Variants in SDK2 observed in about 807,000 individuals in gnomAD.
SDK2 encodes protein sidekick-2.
Under a neutral mutation model 253.9 loss-of-function variants are expected in SDK2, and 105 were observed. The ratio of observed to expected loss-of-function variants is 0.41; its 90% CI spans 0.35 to 0.49. SDK2 has a LOEUF of 0.49. Among genes scored for constraint, SDK2 ranks in the 20% least tolerant of loss-of-function variants. SDK2 has a pLI of 0.06. For synonymous variants in SDK2, 1,249 were observed against 1,234.9 expected, an observed-to-expected ratio of 1.01 and a Z score of -0.24; for missense variants, 2,608 against 3,003.0, an observed-to-expected ratio of 0.87 and a Z score of 3.07.
intron 15 of SDK2, among the ~76,000 whole-genome samples, chr17:73,420,961 G>A (rs1359388403): frequency 2.0e-5 from 3 of 152,208 alleles, no homozygotes; most frequent in African/African-American, 7.2e-5. Flanking sequence ...CAAGCGTGAG[G>A]ATTTGGCCTT....
chr17:73,504,704 G>A (rs2063921332), intron 2 of SDK2, among the ~76,000 whole-genome samples: 1 of 115,402 alleles, frequency 8.7e-6, no homozygotes, highest in African/African-American at 3.0e-5. Flanking sequence ...AGGAATTTGA[G>A]CTGGGCCCTG....
rs2046246092 is a variant in SDK2, at chr17:73,629,779, A to C, written c.64+14246T>G. Reference sequence around the variant, plus strand: ...ATCCTGGGCACCTCACTTAGTATACAGATGGTGCTTAGTAAGTGCATGAGA... The same window carrying C: ...ATCCTGGGCACCTCACTTAGTATACCGATGGTGCTTAGTAAGTGCATGAGA... On this transcript the variant is annotated intron_variant, in intron 1 of 44. Coordinates refer to ENST00000392650, the MANE Select transcript of SDK2 (RefSeq NM_001144952.2). This position sits in a 1 kb window ranked among gnomAD's most constrained non-coding sequence, Gnocchi z 5.0. Among the ~76,000 whole-genome samples, 2 of 152,158 alleles carry C rather than the reference A, an allele frequency of 1.3e-5. No individual in the cohort carries two copies. Among genetic ancestry groups the C allele is most frequent in the Admixed American group, 1.3e-4 (2 of 15,274 alleles).
At chr17:73,571,681 G>A (rs1167625865) in intron 1 of SDK2, among the ~76,000 whole-genome samples, 4 of 152,218 alleles carry the variant, frequency 2.6e-5, no homozygotes, top group East Asian at 1.9e-4. Context: ...TGTGCCCAGC[G>A]GGGGCTACGC....
chr17:73,368,538 A>C lies in SDK2; in HGVS notation c.5036T>G (p.Phe1679Cys). The C allele has an allele frequency of 6.2e-7, 1 of 1,608,940 alleles. No homozygotes were observed. The highest frequency in any genetic ancestry group is 8.5e-7 in the Non-Finnish European group (1 of 1,177,904). ...GNLTERVKTLFLAENSVKLKN... is the reference protein window; with the variant it reads ...GNLTERVKTLCLAENSVKLKN... Reference sequence around the variant, plus strand: ...GAGCTTCACGCTGTTCTCAGCCAGGAAAAGCGTCTTCACTCGCTCTGTGAG... The same window carrying C: ...GAGCTTCACGCTGTTCTCAGCCAGGCAAAGCGTCTTCACTCGCTCTGTGAG... The change falls in exon 37 of 45, where the codon TTC becomes TGC. Residue 1679 changes from phenylalanine (F) to cysteine (C), a missense_variant. Phe to Cys is a radical substitution (Grantham distance 205, BLOSUM62 -2). Around this residue, in one of 2 missense-constraint regions of SDK2, gnomAD observed 1,103 missense variants for 1,143.9 expected, o/e 0.96. Transcript: ENST00000392650.
At chr17:73,535,602 C>A (rs1330788656) in intron 1 of SDK2, among the ~76,000 whole-genome samples, 1 of 152,224 alleles carries the variant, frequency 6.6e-6, no homozygotes, top group African/African-American at 2.4e-5. Flanking sequence ...TGATTGCCCA[C>A]CATTGCCAAT....
rs1170666393 is a variant in SDK2 at position 73,472,094 on chromosome 17, G to T, written c.331+18C>A. On this transcript the variant is annotated intron_variant, in intron 3 of 44. Transcript: ENST00000392650. The stretch of plus-strand genomic sequence containing the variant: ...ACCACAGTCGCCCCCCCTGCCCCTG[G>T]GTCCCCATTGTACTCACAGGCCACC... 2 of 1,536,980 alleles carry T rather than the reference G, an allele frequency of 1.3e-6. No individual in the cohort carries two copies. The highest frequency in any genetic ancestry group is 2.4e-5 in the East Asian group (1 of 40,828).
At chr17:73,614,429 G>A (rs1022345334) in intron 1 of SDK2, among the ~76,000 whole-genome samples, 5 of 151,550 alleles carry the variant, frequency 3.3e-5, no homozygotes, top group Non-Finnish European at 2.9e-5. Flanking sequence ...GCTTATACTC[G>A]TTTCCCCCTA....
At chr17:73,532,492 G>C (rs1338302625) in intron 1 of SDK2, among the ~76,000 whole-genome samples, 1 of 152,322 alleles carries the variant, frequency 6.6e-6, no homozygotes, top group East Asian at 1.9e-4. Flanking sequence ...GGTGGCAGGG[G>C]AGGAGGCTAA....
At chr17:73,387,378 G>A (rs985655529) in intron 30 of SDK2, among the ~76,000 whole-genome samples, 1 of 152,126 alleles carries the variant, frequency 6.6e-6, no homozygotes, top group South Asian at 2.1e-4. Context: ...AGATTTATGG[G>A]GGGTGGGAGA....
At chr17:73,450,662 G>A (rs565392698) in intron 4 of SDK2, among the ~76,000 whole-genome samples, 1 of 152,290 alleles carries the variant, frequency 6.6e-6, no homozygotes, top group African/African-American at 2.4e-5. Flanking sequence ...TCCTTTCACT[G>A]TATTTTGTCT....
rs182750213 is a variant in SDK2, at chr17:73,447,390, C to T, written c.613+225G>A. 2.0e-5 allele frequency among the ~76,000 whole-genome samples: 3 copies of T among 152,140 alleles called. No individual in the cohort carries two copies. Among genetic ancestry groups the T allele is most frequent in the African/African-American group, 7.2e-5 (3 of 41,424 alleles). On this transcript the variant is annotated intron_variant, in intron 5 of 44. Coordinates refer to ENST00000392650, the MANE Select transcript of SDK2 (RefSeq NM_001144952.2). The surrounding 1 kb of genome is among the most constrained non-coding windows in gnomAD (Gnocchi z 4.0). ...CATCCTCTCTACCGATGCAGGATCT[C>T]AGGCGTGTCATGGGAACGGGCTCCA...
rs2063358043 is a variant in SDK2 at position 73,435,302 on chromosome 17, C to T, written c.1195+148G>A. ...GCAGCAGCGGTAACTGGCTGTGCCC[C>T]CAGGCTGCTGGGCAGCAGGCGGCCT... On this transcript the variant is annotated intron_variant, in intron 9 of 44. Transcript: ENST00000392650. This position sits in a 1 kb window ranked among gnomAD's most constrained non-coding sequence, Gnocchi z 5.7. 1.4e-6 allele frequency: 1 copy of T among 737,170 alleles called. No individual in the cohort carries two copies. Among genetic ancestry groups the T allele is most frequent in the Non-Finnish European group, 2.1e-6 (1 of 468,502 alleles). The allele number at this position is 737,170 out of a possible 1,614,324, so 45.7% of individuals were successfully genotyped here.
chr17:73,444,293 T>C (rs2063436496), intron 5 of SDK2, among the ~76,000 whole-genome samples: 1 of 151,530 alleles, frequency 6.6e-6, no homozygotes, highest in South Asian at 2.1e-4. Flanking sequence ...ACAGCGGGAG[T>C]TGAGTGGGTC....
rs2045951832 is a variant in SDK2, at chr17:73,609,841, G to A, written c.64+34184C>T. On this transcript the variant is annotated intron_variant, in intron 1 of 44. Coordinates refer to ENST00000392650, the MANE Select transcript of SDK2 (RefSeq NM_001144952.2). This position sits in a 1 kb window ranked among gnomAD's most constrained non-coding sequence, Gnocchi z 4.4. ...AACCTCGAGAGCCCCCAGGGCCCAA[G>A]GAGACAGAGTCCCTGCTGGCCATGT... 6.6e-6 allele frequency among the ~76,000 whole-genome samples: 1 copy of A among 152,212 alleles called. No individual in the cohort carries two copies.
chr17:73,362,789 C>T (rs35103939), intron 38 of SDK2, among the ~76,000 whole-genome samples: 28,085 of 152,186 alleles, frequency 0.18, 3,210 homozygotes, highest in East Asian at 0.42. Flanking sequence ...TGGGGGTTTG[C>T]ACTCTGTGCT....
chr17:73,564,314 A>G (rs2045280875), intron 1 of SDK2, among the ~76,000 whole-genome samples: 1 of 152,200 alleles, frequency 6.6e-6, no homozygotes, highest in Admixed American at 6.5e-5. Context: ...TACTTCTATC[A>G]CTACAGAAAG....
intron 18 of SDK2, among the ~76,000 whole-genome samples, chr17:73,408,417 G>A (rs531578630): frequency 2.8e-4 from 42 of 151,566 alleles, no homozygotes; most frequent in African/African-American, 9.9e-4. Flanking sequence ...GTAGAGACGG[G>A]GTTTCACCGT....
At position 73,642,380 on chromosome 17, in the gene SDK2, G is replaced by C. The variant is rs749018962; in HGVS notation, c.64+1645C>G. ...GGGTCCAGACAGATGCTGGCATCCC[G>C]TCCCTCCACGCCGTCCAGGCTTTTG... On this transcript the variant is annotated intron_variant, in intron 1 of 44. Transcript: ENST00000392650. This position sits in a 1 kb window ranked among gnomAD's most constrained non-coding sequence, Gnocchi z 4.7. Among the ~76,000 whole-genome samples the C allele has an allele frequency of 6.6e-6, 1 of 152,228 alleles. No homozygotes were observed. Among genetic ancestry groups the C allele is most frequent in the South Asian group, 2.1e-4 (1 of 4,828 alleles).
chr17:73,578,949 C>T (rs1317413229), intron 1 of SDK2, among the ~76,000 whole-genome samples: 1 of 152,160 alleles, frequency 6.6e-6, no homozygotes, highest in Non-Finnish European at 1.5e-5. Flanking sequence ...ACCAAGCTCC[C>T]CACATCACCA....
Sources: allele counts gnomAD v4.1 joint callset (sites outside exome capture counted in the v4.1 genomes callset), GRCh38; gene constraint gnomAD v4.1.1; regional missense constraint gnomAD v4.1.1; non-coding constraint Gnocchi (gnomAD v3.1); transcripts MANE v1.5; gene names NCBI Gene and HGNC (gene_info 2026-07-23, HGNC 2026-07-21).